SHISA6: variants seen among roughly 807,000 people sequenced by gnomAD.
SHISA6 encodes shisa family member 6, also known as protein shisa-6.
SHISA6 carries 22 observed loss-of-function variants against 47.9 expected under a neutral mutation model. The ratio of observed to expected loss-of-function variants is 0.46; its 90% CI spans 0.33 to 0.66. SHISA6 has a LOEUF of 0.66. Among genes scored for constraint, SHISA6 ranks in the 30% least tolerant of loss-of-function variants. SHISA6 has a pLI of 0.02. For missense variants in SHISA6, 680 were observed against 764.6 expected, an observed-to-expected ratio of 0.89 and a Z score of 1.30; for synonymous variants, 388 against 337.8, an observed-to-expected ratio of 1.15 and a Z score of -1.63.
chr17:11,419,367 C>A (rs1914386817), intron 3 of SHISA6, among the ~76,000 whole-genome samples: 1 of 151,360 alleles, frequency 6.6e-6, no homozygotes. Context: ...GTGATTAAGT[C>A]ACTAGGTTTA....
At position 11,379,500 on chromosome 17, in the gene SHISA6, C is replaced by A; in HGVS notation, c.886C>A (p.His296Asn). The A allele has an allele frequency of 6.5e-7, 1 of 1,536,902 alleles. No individual in the cohort carries two copies. The highest frequency in any genetic ancestry group is 8.8e-7 in the Non-Finnish European group (1 of 1,140,090). Residue 296 changes from histidine (H) to asparagine (N), a missense_variant, in exon 3 of 6, where the codon CAC becomes AAC. His to Asn is a moderately conservative substitution (Grantham distance 68). Around this residue, in one of 2 missense-constraint regions of SHISA6, gnomAD observed 559 missense variants for 674.1 expected, o/e 0.83. Coordinates refer to ENST00000441885, the MANE Select transcript of SHISA6 (RefSeq NM_207386.4). ...TGGATTTGTCACATTAGGAAGAGGA[C>A]ACACCAAGGGTACAGTGGAAACCAT... is the stretch of plus-strand genomic sequence containing the variant. ...SSGFVTLGRG[H>N]TKGDHQYNHP...
intron 3 of SHISA6, among the ~76,000 whole-genome samples, chr17:11,487,696 T>C (rs925902305): frequency 3.9e-5 from 6 of 152,246 alleles, no homozygotes; most frequent in Non-Finnish European, 5.9e-5. Context: ...AGCAATTTGC[T>C]ACTGCCAGGA....
chr17:11,264,922 A>G (rs1908370665), intron 2 of SHISA6, among the ~76,000 whole-genome samples: 1 of 152,236 alleles, frequency 6.6e-6, no homozygotes, highest in African/African-American at 2.4e-5. Flanking sequence ...CAGTTTGTAT[A>G]TGATTGAGGG....
chr17:11,453,855 C>A (rs1915464900), intron 3 of SHISA6, among the ~76,000 whole-genome samples: 1 of 152,150 alleles, frequency 6.6e-6, no homozygotes, highest in Non-Finnish European at 1.5e-5. Flanking sequence ...AAAGGTCAGA[C>A]TATAGGGACA....
intron 3 of SHISA6, among the ~76,000 whole-genome samples, chr17:11,404,471 A>G (rs1369558476): frequency 6.6e-6 from 1 of 152,136 alleles, no homozygotes. Flanking sequence ...GAAAGAAAAT[A>G]TCTGTGGGTT....
chr17:11,496,584 A>G (rs2071410736), intron 3 of SHISA6, among the ~76,000 whole-genome samples: 1 of 151,892 alleles, frequency 6.6e-6, no homozygotes, highest in Non-Finnish European at 1.5e-5. Flanking sequence ...CTAAAAATAC[A>G]AAAAATTAGC....
chr17:11,543,920 A>AAC (rs891632731), intron 3 of SHISA6, among the ~76,000 whole-genome samples: 8 of 150,284 alleles, frequency 5.3e-5, no homozygotes, highest in African/African-American at 1.2e-4. Flanking sequence ...CAAAAAAAAA[A>AAC]AAAAAACAAA....
At chr17:11,530,396 A>T (rs2071722124) in intron 3 of SHISA6, among the ~76,000 whole-genome samples, 1 of 152,198 alleles carries the variant, frequency 6.6e-6, no homozygotes, top group Admixed American at 6.5e-5. Context: ...GAAAAAGCAC[A>T]TCTCAGTTTG....
intron 4 of SHISA6, 53 bp downstream of exon 4, chr17:11,552,005 A>G: frequency 6.6e-7 from 1 of 1,507,332 alleles, no homozygotes; most frequent in Middle Eastern, 1.7e-4. Flanking sequence ...GAGTGGCACC[A>G]TTCTAAGGAT....
Position 11,241,535 on chromosome 17 carries a change from G to A in SHISA6, c.113G>A (p.Gly38Asp). 6 of 1,099,716 alleles carry A rather than the reference G, an allele frequency of 5.5e-6. No homozygotes were observed. Among genetic ancestry groups the A allele is most frequent in the Non-Finnish European group, 6.6e-6 (6 of 905,244 alleles). 68.1% of individuals were successfully genotyped at this position (1,099,716 alleles called of 1,614,324 possible). The stretch of plus-strand genomic sequence containing the variant: ...GCCGCCAACCGGACCCTGAGTGCAG[G>A]CGGCGCTGCCGTCGGGGGCCGGAGG... ...GRAANRTLSA[G>D]GAAVGGRRAG... Residue 38 changes from glycine to aspartate, a missense_variant, in exon 1 of 6, where the codon GGC becomes GAC. Coordinates refer to ENST00000441885, the MANE Select transcript of SHISA6 (RefSeq NM_207386.4). This position sits in a 1 kb window ranked among gnomAD's most constrained non-coding sequence, Gnocchi z 5.5.
intron 2 of SHISA6, among the ~76,000 whole-genome samples, chr17:11,301,443 T>G (rs1273095290): frequency 6.6e-6 from 1 of 152,162 alleles, no homozygotes; most frequent in African/African-American, 2.4e-5. Context: ...TGAGCTCTAG[T>G]CCAAATGATT....
chr17:11,261,631 G>GT (rs1908236211), intron 1 of SHISA6, among the ~76,000 whole-genome samples: 1 of 152,200 alleles, frequency 6.6e-6, no homozygotes, highest in Non-Finnish European at 1.5e-5. Flanking sequence ...GTGATAGCAG[G>GT]TATCAGTATG....
intron 2 of SHISA6, among the ~76,000 whole-genome samples, chr17:11,267,981 C>T (rs777666689): frequency 8.5e-5 from 13 of 152,110 alleles, no homozygotes; most frequent in African/African-American, 3.1e-4. Flanking sequence ...GCTTGCTTTT[C>T]GTAGATGGGG....
intron 4 of SHISA6, among the ~76,000 whole-genome samples, chr17:11,552,181 A>C (rs1467424793): frequency 6.6e-6 from 1 of 152,228 alleles, no homozygotes; most frequent in East Asian, 1.9e-4. Context: ...ATCTCTTGAC[A>C]TAAACAGAAA....
chr17:11,451,560 G>A (rs12603407), intron 3 of SHISA6, among the ~76,000 whole-genome samples: 29,550 of 152,082 alleles, frequency 0.19, 3,072 homozygotes, highest in East Asian at 0.34. Flanking sequence ...AGGAATGACC[G>A]GTCAGGGGAA....
At chr17:11,418,913 C>A (rs2142279617) in intron 3 of SHISA6, among the ~76,000 whole-genome samples, 1 of 152,220 alleles carries the variant, frequency 6.6e-6, no homozygotes, top group South Asian at 2.1e-4. Context: ...GAGGTGCTGC[C>A]TGTCTTTCCA....
At chr17:11,255,764 G>T (rs967003118) in intron 1 of SHISA6, among the ~76,000 whole-genome samples, 3 of 152,196 alleles carry the variant, frequency 2.0e-5, no homozygotes, top group African/African-American at 7.2e-5. Context: ...AGTGTTGCCA[G>T]TTTGGCATAA....
intron 3 of SHISA6, among the ~76,000 whole-genome samples, chr17:11,534,168 T>C (rs1045997595): frequency 1.3e-5 from 2 of 149,716 alleles, no homozygotes; most frequent in Admixed American, 6.6e-5. Context: ...TTTTTTTTTT[T>C]TTTTTTTTTG....
chr17:11,381,099 G>A (rs138936131), intron 3 of SHISA6, among the ~76,000 whole-genome samples: 207 of 152,258 alleles, frequency 1.4e-3, no homozygotes, highest in African/African-American at 4.8e-3. Context: ...CCAATTCGGA[G>A]GCCAGCTACC....
Sources: allele counts gnomAD v4.1 joint callset (sites outside exome capture counted in the v4.1 genomes callset), GRCh38; gene constraint gnomAD v4.1.1; regional missense constraint gnomAD v4.1.1; non-coding constraint Gnocchi (gnomAD v3.1); transcripts MANE v1.5; gene names NCBI Gene and HGNC (gene_info 2026-07-23, HGNC 2026-07-21).